THSD7B: variants seen among roughly 807,000 people sequenced by gnomAD.
The protein encoded by THSD7B is thrombospondin type 1 domain containing 7B.
In THSD7B, 138 loss-of-function variants were observed where a neutral mutation model predicts 213.6. The observed-to-expected ratio is 0.65, with a 90% CI of 0.56 to 0.74. The LOEUF (loss-of-function observed/expected upper bound fraction) is 0.74, where lower values mean the gene tolerates loss of function less well. THSD7B is among the 30% of genes least tolerant of loss of function. The pLI is 0.00. For missense variants in THSD7B, 1,931 were observed against 1,991.5 expected, an observed-to-expected ratio of 0.97 and a Z score of 0.58; for synonymous variants, 742 against 687.0, an observed-to-expected ratio of 1.08 and a Z score of -1.25.
At chr2:137,002,401 G>T (rs1686017077) in intron 2 of THSD7B, among the ~76,000 whole-genome samples, 1 of 148,212 alleles carries the variant, frequency 6.7e-6, no homozygotes, top group Non-Finnish European at 1.5e-5. Context: ...GAGCAGAATA[G>T]GGGACTAGGA....
chr2:137,621,934 C>T (rs540284298), intron 20 of THSD7B, among the ~76,000 whole-genome samples: 18 of 152,186 alleles, frequency 1.2e-4, no homozygotes, highest in African/African-American at 4.1e-4. Context: ...GTAAAGAGAT[C>T]ACATCGTGAA....
chr2:137,107,947 C>G (rs1688286423), intron 4 of THSD7B, among the ~76,000 whole-genome samples: 1 of 151,948 alleles, frequency 6.6e-6, no homozygotes, highest in South Asian at 2.1e-4. Context: ...ATCTGTTCAG[C>G]AAAAAATGAC....
At chr2:137,045,325 T>C (rs1294763788) in intron 2 of THSD7B, among the ~76,000 whole-genome samples, 1 of 152,210 alleles carries the variant, frequency 6.6e-6, no homozygotes. Context: ...AAGGATTACT[T>C]GCACACAAGC....
chr2:137,566,426 A>G (rs1308118915), intron 16 of THSD7B, among the ~76,000 whole-genome samples: 2 of 152,184 alleles, frequency 1.3e-5, no homozygotes, highest in African/African-American at 4.8e-5. Context: ...GGGTTGGGTC[A>G]TGTTTTATAA....
At chr2:137,164,313 A>G (rs1483451105) in intron 6 of THSD7B, among the ~76,000 whole-genome samples, 1 of 152,164 alleles carries the variant, frequency 6.6e-6, no homozygotes, top group Non-Finnish European at 1.5e-5. Context: ...AGAAATGCAA[A>G]TCAAAACCAC....
chr2:136,831,967 A>T (rs56911064), intron 1 of THSD7B, among the ~76,000 whole-genome samples: 2,811 of 152,234 alleles, frequency 0.018, 79 homozygotes, highest in African/African-American at 0.064. Context: ...CTCATTTGGC[A>T]CCTAGCAAAT....
chr2:137,262,838 T>C (rs969068466), intron 10 of THSD7B, among the ~76,000 whole-genome samples: 1 of 152,074 alleles, frequency 6.6e-6, no homozygotes, highest in Non-Finnish European at 1.5e-5. Flanking sequence ...GTCCTTTAAT[T>C]GGTTTGGGTT....
At chr2:137,346,196 C>T (rs1403102560) in intron 12 of THSD7B, among the ~76,000 whole-genome samples, 24 of 151,788 alleles carry the variant, frequency 1.6e-4, no homozygotes, top group Non-Finnish European at 7.4e-5. Context: ...ATCTCTAGAA[C>T]AGTTTAATCT....
At chr2:136,956,540 A>AG (rs1685128269) in intron 2 of THSD7B, among the ~76,000 whole-genome samples, 1 of 149,048 alleles carries the variant, frequency 6.7e-6, no homozygotes, top group South Asian at 2.1e-4. Context: ...CAGAAGATTG[A>AG]GGCTGCAGTG....
chr2:136,893,967 C>T (rs962923132), intron 2 of THSD7B, among the ~76,000 whole-genome samples: 12 of 152,176 alleles, frequency 7.9e-5, no homozygotes, highest in African/African-American at 2.6e-4. Flanking sequence ...TTTAGAGTTA[C>T]TATGGGAATC....
At chr2:137,236,089 A>G (rs1681756433) in intron 9 of THSD7B, among the ~76,000 whole-genome samples, 1 of 152,198 alleles carries the variant, frequency 6.6e-6, no homozygotes, top group Admixed American at 6.5e-5. Context: ...GCCTCCAGAA[A>G]TATATTTTTG....
At chr2:137,271,370 C>A (rs1682728926) in intron 10 of THSD7B, among the ~76,000 whole-genome samples, 1 of 140,680 alleles carries the variant, frequency 7.1e-6, no homozygotes, top group Non-Finnish European at 1.5e-5. Context: ...GAAATGGCTT[C>A]ATTCATATAT....
intron 20 of THSD7B, among the ~76,000 whole-genome samples, chr2:137,621,960 G>C (rs1285788608): frequency 1.3e-5 from 2 of 152,160 alleles, no homozygotes; most frequent in African/African-American, 4.8e-5. Flanking sequence ...AAGCAAGAGA[G>C]AGAAACTGAG....
intron 17 of THSD7B, among the ~76,000 whole-genome samples, chr2:137,581,782 AAAAT>A (rs1355323299): frequency 5.4e-5 from 8 of 147,552 alleles, no homozygotes; most frequent in African/African-American, 1.8e-4. Context: ...AAAAAAAAAA[AAAAT>A]AATAATAAAT....
intron 2 of THSD7B, among the ~76,000 whole-genome samples, chr2:136,914,460 G>A (rs1684319024): frequency 1.3e-5 from 2 of 152,174 alleles, no homozygotes; most frequent in South Asian, 4.1e-4. Context: ...AGGGACCAGG[G>A]TTGGAATGAC....
chr2:137,147,365 G>A (rs1483914490), intron 5 of THSD7B, among the ~76,000 whole-genome samples: 1 of 151,960 alleles, frequency 6.6e-6, no homozygotes, highest in Non-Finnish European at 1.5e-5. Flanking sequence ...GCCTTCCTTT[G>A]AAGCTGAGTT....
At chr2:137,034,684 C>A (rs927888889) in intron 2 of THSD7B, among the ~76,000 whole-genome samples, 1 of 151,964 alleles carries the variant, frequency 6.6e-6, no homozygotes, top group East Asian at 1.9e-4. Flanking sequence ...GAGAACATGC[C>A]GTGTTTGGTT....
Position 137,329,663 on chromosome 2 carries a change from C to T in THSD7B, c.2500+53637C>T, listed in dbSNP as rs1684450372. Among the ~76,000 whole-genome samples, 10 of 152,212 alleles carry T rather than the reference C, an allele frequency of 6.6e-5. 1 individual carries two copies. The South Asian group carries it at 2.1e-3, about 32-fold the overall frequency. Reference sequence around the variant, plus strand: ...TATAGGCATGAGCCACTGCACCCAGCCCAGCAGAAGAAATTTCTAAACAGC... The same window carrying T: ...TATAGGCATGAGCCACTGCACCCAGTCCAGCAGAAGAAATTTCTAAACAGC... On this transcript the variant is annotated intron_variant, in intron 12 of 27. Coordinates refer to ENST00000409968, the MANE Select transcript of THSD7B (RefSeq NM_001316349.2).
At chr2:136,957,440 T>G (rs1321531712) in intron 2 of THSD7B, among the ~76,000 whole-genome samples, 10 of 151,724 alleles carry the variant, frequency 6.6e-5, no homozygotes, top group South Asian at 6.3e-4. Context: ...ATACAACGTT[T>G]TTTTTTTTTT....
Sources: allele counts gnomAD v4.1 joint callset (sites outside exome capture counted in the v4.1 genomes callset), GRCh38; gene constraint gnomAD v4.1.1; transcripts MANE v1.5; gene names NCBI Gene and HGNC (gene_info 2026-07-23, HGNC 2026-07-21).